The following MPDZ variants were observed in gnomAD, a reference collection of about 807,000 sequenced individuals.
The protein encoded by MPDZ is multiple PDZ domain crumbs cell polarity complex component, also known as multiple PDZ domain protein.
In MPDZ, 234 loss-of-function variants were observed where a neutral mutation model predicts 239.1. The observed-to-expected ratio is 0.98, with a 90% CI of 0.88 to 1.09. The LOEUF is 1.09. MPDZ is among the 50% of genes least tolerant of loss of function. The pLI is 0.00. For synonymous variants in MPDZ, 1,048 were observed against 881.3 expected, an observed-to-expected ratio of 1.19 and a Z score of -3.35; for missense variants, 3,175 against 2,510.0, an observed-to-expected ratio of 1.26 and a Z score of -5.66.
chr9:13,126,561 T>A lies in MPDZ; in HGVS notation c.4587A>T (p.Ile1529=). The A allele has an allele frequency of 6.3e-7, 1 of 1,589,330 alleles. No homozygotes were observed. Among genetic ancestry groups the A allele is most frequent in the Non-Finnish European group, 8.6e-7 (1 of 1,166,614 alleles). Residue 1529 remains isoleucine, a synonymous_variant, in exon 34 of 47, where the codon ATA becomes ATT. Transcript: ENST00000319217. The part of the protein sequence containing the change: ...TDGRLKVGDQ[I]LAVDDEIVVG... ...CAACAATTTCATCATCTACAGCCAG[T>A]ATCTGATCTCCGACTTTGAGTCGTC...
intron 1 of MPDZ, among the ~76,000 whole-genome samples, chr9:13,267,471 A>T (rs2139081664): frequency 6.6e-6 from 1 of 152,302 alleles, no homozygotes; most frequent in South Asian, 2.1e-4. Flanking sequence ...TATGCTGTAA[A>T]GTACAGAGCT....
At chr9:13,244,160 T>C (rs988286520) in intron 3 of MPDZ, among the ~76,000 whole-genome samples, 2 of 152,194 alleles carry the variant, frequency 1.3e-5, no homozygotes, top group Non-Finnish European at 1.5e-5. Context: ...GGTCAATTCT[T>C]AAGGCAACGC....
At chr9:13,170,429 T>C (rs1316332887) in intron 21 of MPDZ, among the ~76,000 whole-genome samples, 2 of 152,152 alleles carry the variant, frequency 1.3e-5, no homozygotes, top group Non-Finnish European at 2.9e-5. Flanking sequence ...TTGAAGTGTA[T>C]TGTTAAGAAG....
In MPDZ at chr9:13,118,528, C is replaced by A. The variant is rs1943847693; in HGVS notation, c.5379+974G>T. Reference sequence around the variant, plus strand: ...CTGCTGCTGAGCACTGTCATGCAGGCTTATGTTAATTGCTACCCTTGACAT... The same window carrying A: ...CTGCTGCTGAGCACTGTCATGCAGGATTATGTTAATTGCTACCCTTGACAT... On this transcript the variant is annotated intron_variant, in intron 39 of 46. Coordinates refer to ENST00000319217, the MANE Select transcript of MPDZ (RefSeq NM_001378778.1). 3.3e-5 allele frequency among the ~76,000 whole-genome samples: 5 copies of A among 152,114 alleles called. 1 individual carries two copies. The South Asian group carries it at 1.0e-3, about 32-fold the overall frequency.
In MPDZ at chr9:13,254,382, T is replaced by TTAA. The variant is rs1968890069; in HGVS notation, c.-57-4011_-57-4010insTTA. On this transcript the variant is annotated intron_variant, in intron 1 of 46. Coordinates refer to ENST00000319217, the MANE Select transcript of MPDZ (RefSeq NM_001378778.1). Reference sequence around the variant, plus strand: ...CCCTTAAGAAGCCTCTTTAAATAGTTATTCAAAGTACATTCAAAAACATTG... The same window carrying TTAA: ...CCCTTAAGAAGCCTCTTTAAATAGTTTAAATTCAAAGTACATTCAAAAACATTG... Among the ~76,000 whole-genome samples the TTAA allele has an allele frequency of 3.9e-5, 6 of 152,214 alleles. No individual in the cohort carries two copies. The South Asian group carries it at 1.0e-3, about 26-fold the overall frequency.
chr9:13,136,004 T>TC, intron 31 of MPDZ, 88 bp downstream of exon 31: 1 of 869,054 alleles, frequency 1.2e-6, no homozygotes, highest in East Asian at 2.7e-5. Flanking sequence ...CTAATATCCC[T>TC]CTCTAAGTGT....
intron 3 of MPDZ, among the ~76,000 whole-genome samples, chr9:13,232,451 C>T (rs1962767733): frequency 6.6e-6 from 1 of 152,054 alleles, no homozygotes; most frequent in Non-Finnish European, 1.5e-5. Context: ...ATAAATGGTT[C>T]TGGGTCAAAT....
rs1466166654 is a variant in MPDZ at position 13,112,090 on chromosome 9, A to G, written c.5658T>C (p.Gly1886=). Residue 1886 remains glycine (G), a synonymous_variant, in exon 43 of 47, where the codon GGT becomes GGC. Coordinates refer to ENST00000319217, the MANE Select transcript of MPDZ (RefSeq NM_001378778.1). The part of the protein sequence containing the change: ...SIAGGVGSPL[G]DVPIFIAMMH... ...TCATTGCAATAAATATAGGCACATC[A>G]CCAAGTGGGCTGCCTACTCCTCCAG... 1 of 1,613,570 alleles carries G rather than the reference A, an allele frequency of 6.2e-7. No individual in the cohort carries two copies. The highest frequency in any genetic ancestry group is 1.7e-5 in the Admixed American group (1 of 59,994).
At position 13,201,353 on chromosome 9, in the gene MPDZ, A is replaced by AT. The variant is rs71331529; in HGVS notation, c.1546+3682dup. On this transcript the variant is annotated intron_variant, in intron 12 of 46. Coordinates refer to ENST00000319217, the MANE Select transcript of MPDZ (RefSeq NM_001378778.1). ...TTTCTTTTCTCTTGATGCTTTCAGTATTTTTTTTTTTATTTTGCTAGTCTG... is the reference window on the plus strand; with the variant it reads ...TTTCTTTTCTCTTGATGCTTTCAGTATTTTTTTTTTTTATTTTGCTAGTCTG... 8.0e-3 allele frequency among the ~76,000 whole-genome samples: 1,179 copies of AT among 146,600 alleles called. 12 individuals are homozygous for AT. Among genetic ancestry groups the AT allele is most frequent in the Non-Finnish European group, 0.01 (675 of 66,354 alleles).
intron 3 of MPDZ, among the ~76,000 whole-genome samples, chr9:13,234,645 G>A (rs1447995492): frequency 6.6e-6 from 1 of 152,058 alleles, no homozygotes; most frequent in Non-Finnish European, 1.5e-5. Flanking sequence ...AAGAAAAAAT[G>A]ACTACTGCTT....
intron 25 of MPDZ, among the ~76,000 whole-genome samples, chr9:13,148,102 G>A (rs972416681): frequency 6.6e-6 from 1 of 151,998 alleles, no homozygotes; most frequent in Non-Finnish European, 1.5e-5. Context: ...TCTGTACAGG[G>A]AAGCTTGAAG....
In MPDZ at chr9:13,109,044, C is replaced by G. The variant is rs1328870711; in HGVS notation, c.5958G>C (p.Lys1986Asn). ...FQDDLGPPQC[K>N]SITLERGPDG... ...CTGGTCCTCGCTCTAGTGTAATAGA[C>G]TTACATTGAGGAGGTCTACGGTGAA... Residue 1986 changes from lysine (K) to asparagine (N), a missense_variant, in exon 46 of 47, where the codon AAG becomes AAC. By Grantham distance (94) the Lys-to-Asn change is moderately conservative (BLOSUM62 0). Transcript: ENST00000319217. 2 of 1,524,632 alleles carry G rather than the reference C, an allele frequency of 1.3e-6. No individual in the cohort carries two copies. The highest frequency in any genetic ancestry group is 1.8e-6 in the Non-Finnish European group (2 of 1,131,964). 94.4% of individuals were successfully genotyped at this position (1,524,632 alleles called of 1,614,324 possible).
intron 3 of MPDZ, among the ~76,000 whole-genome samples, chr9:13,227,330 G>C (rs1960941178): frequency 6.6e-6 from 1 of 152,032 alleles, no homozygotes; most frequent in Non-Finnish European, 1.5e-5. Context: ...TAGCAGGCAT[G>C]ATCAATTATT....
At chr9:13,219,877 T>C in intron 7 of MPDZ, 109 bp from the exon 8 acceptor site, 1 of 1,041,020 alleles carries the variant, frequency 9.6e-7, no homozygotes, top group South Asian at 1.5e-5. Flanking sequence ...GAGTTACCAA[T>C]CAGGACATAA....
At chr9:13,263,321 ATATCTAGTTT>A (rs1364599189) in intron 1 of MPDZ, among the ~76,000 whole-genome samples, 1 of 151,736 alleles carries the variant, frequency 6.6e-6, no homozygotes, top group Non-Finnish European at 1.5e-5. Flanking sequence ...AATGTTAACA[ATATCTAGTTT>A]TAGAGGCTAG....
At chr9:13,274,141 CT>C (rs1973634854) in intron 1 of MPDZ, among the ~76,000 whole-genome samples, 1 of 152,070 alleles carries the variant, frequency 6.6e-6, no homozygotes, top group South Asian at 2.1e-4. Context: ...CTTCTTTTCA[CT>C]TGTATCTTCC....
chr9:13,272,747 T>C (rs181255756), intron 1 of MPDZ, among the ~76,000 whole-genome samples: 2 of 150,194 alleles, frequency 1.3e-5, no homozygotes, highest in African/African-American at 2.4e-5. Context: ...ATGAATGCTG[T>C]CCAGAAGTGG....
At chr9:13,171,339 A>G (rs1233406154) in intron 21 of MPDZ, among the ~76,000 whole-genome samples, 3 of 152,192 alleles carry the variant, frequency 2.0e-5, no homozygotes, top group African/African-American at 7.2e-5. Context: ...GCCTGTTAGT[A>G]CAACAATCAT....
At chr9:13,276,071 C>T (rs1050918049) in intron 1 of MPDZ, among the ~76,000 whole-genome samples, 1 of 152,138 alleles carries the variant, frequency 6.6e-6, no homozygotes, top group Non-Finnish European at 1.5e-5. Flanking sequence ...CATGTAAAAC[C>T]TTTCTGTTAT....
Sources: gnomAD v4.1 joint callset for allele counts (sites outside exome capture counted in the v4.1 genomes callset) on GRCh38, gnomAD v4.1.1 for gene constraint, MANE v1.5 for transcripts, NCBI Gene and HGNC (gene_info 2026-07-23, HGNC 2026-07-21) for gene names.